Variants in TEX26 observed in about 807,000 individuals in gnomAD.
TEX26 encodes the protein testis-expressed protein 26.
TEX26 carries 34 observed loss-of-function variants against 35.3 expected under a neutral mutation model. The ratio of observed to expected loss-of-function variants is 0.96; its 90% CI spans 0.73 to 1.28. The LOEUF (loss-of-function observed/expected upper bound fraction) is 1.28, where lower values mean the gene tolerates loss of function less well. TEX26 is among the 50% of genes most tolerant of loss of function. The pLI is 0.00. For missense variants in TEX26, 371 were observed against 330.1 expected, an observed-to-expected ratio of 1.12 and a Z score of -0.96; for synonymous variants, 136 against 111.8, an observed-to-expected ratio of 1.22 and a Z score of -1.36.
At position 30,937,058 on chromosome 13, in the gene TEX26, G is replaced by T. The variant is rs954003211; in HGVS notation, c.62-2636G>T. On this transcript the variant is annotated intron_variant, in intron 1 of 6. Transcript: ENST00000380473. ...TGAAATTAAAGGAAGATGTACCAAAGATCAAGTGTGCATCCAAGCAGGTTA... is the reference window on the plus strand; with the variant it reads ...TGAAATTAAAGGAAGATGTACCAAATATCAAGTGTGCATCCAAGCAGGTTA... The T allele has an allele frequency of 4.3e-5, 39 of 916,918 alleles. No individual in the cohort carries two copies. The Admixed American group carries it at 5.6e-4, about 13-fold the overall frequency. 56.8% of individuals were successfully genotyped at this position (916,918 alleles called of 1,614,324 possible).
intron 6 of TEX26, among the ~76,000 whole-genome samples, chr13:30,971,524 C>A (rs555062485): frequency 6.6e-6 from 1 of 151,954 alleles, no homozygotes; most frequent in Non-Finnish European, 1.5e-5. Flanking sequence ...GGGAGAGAGA[C>A]GGTGCGTGTT....
chr13:30,933,478 T>C (rs1426114976), intron 1 of TEX26: 1 of 152,216 alleles, frequency 6.6e-6, no homozygotes, highest in Non-Finnish European at 1.5e-5. Context: ...AGCTCCATCA[T>C]AGTCTCTTGT....
intron 2 of TEX26, among the ~76,000 whole-genome samples, chr13:30,940,844 A>C (rs536696403): frequency 6.6e-6 from 1 of 152,210 alleles, no homozygotes; most frequent in East Asian, 2.0e-4. Flanking sequence ...AGGCAGAGGC[A>C]CGAGAATTGC....
intron 2 of TEX26, 65 bp from the exon 3 acceptor site, chr13:30,952,595 A>G (rs540576930): frequency 1.5e-6 from 2 of 1,312,272 alleles, no homozygotes; most frequent in African/African-American, 1.5e-5. Context: ...ATGATTTGAC[A>G]TGTGTACTTT....
chr13:30,939,778 G>C lies in TEX26; in HGVS notation c.146G>C (p.Arg49Pro), dbSNP rs76662628. 1.2e-6 allele frequency: 2 copies of C among 1,612,520 alleles called. No individual in the cohort carries two copies. Among genetic ancestry groups the C allele is most frequent in the East Asian group, 4.5e-5 (2 of 44,858 alleles). The stretch of plus-strand genomic sequence containing the variant: ...ACAGGAGCAGTGCCTGCCTTAATTC[G>C]GTAGATCATTATTTGTGTTGGATTG... ...PKTGAVPALIRQNGIRRLGYT... is the reference protein window; with the variant it reads ...PKTGAVPALIPQNGIRRLGYT... Residue 49 changes from arginine to proline, a missense_variant and splice_region_variant, in exon 2 of 7, where the codon CGC becomes CCC. By Grantham distance (103) the Arg-to-Pro change is moderately radical. Coordinates refer to ENST00000380473, the MANE Select transcript of TEX26 (RefSeq NM_152325.3).
intron 2 of TEX26, among the ~76,000 whole-genome samples, chr13:30,940,419 C>T (rs530664979): frequency 7.2e-4 from 105 of 146,440 alleles, no homozygotes; most frequent in African/African-American, 2.4e-3. Context: ...CTGCAAGCTC[C>T]GCCCCCTGGG....
intron 1 of TEX26, among the ~76,000 whole-genome samples, chr13:30,935,737 G>GTC (rs1953250283): frequency 6.6e-6 from 1 of 152,208 alleles, no homozygotes; most frequent in South Asian, 2.1e-4. Context: ...TTGACCGGAT[G>GTC]ACCTGCCTAC....
chr13:30,951,941 A>G (rs1160096006), intron 2 of TEX26, among the ~76,000 whole-genome samples: 1 of 47,558 alleles, frequency 2.1e-5, no homozygotes, highest in Non-Finnish European at 3.9e-5. Context: ...AGAGAGAAAG[A>G]GAACTTTTTT....
intron 2 of TEX26, among the ~76,000 whole-genome samples, chr13:30,948,432 C>T (rs1420279703): frequency 6.6e-6 from 1 of 152,166 alleles, no homozygotes; most frequent in Non-Finnish European, 1.5e-5. Flanking sequence ...GATTGCCATT[C>T]TAACTGGTGT....
intron 4 of TEX26, 116 bp from the exon 5 acceptor site, chr13:30,966,106 T>TCCC: frequency 9.9e-7 from 1 of 1,014,654 alleles, no homozygotes; most frequent in Non-Finnish European, 1.5e-6. Flanking sequence ...AAATTATTTC[T>TCCC]CCATTGAAGT....
At chr13:30,956,796 C>A in intron 3 of TEX26, 77 bp from the exon 4 acceptor site, 2 of 1,321,638 alleles carry the variant, frequency 1.5e-6, no homozygotes, top group Non-Finnish European at 2.1e-6. Context: ...AGAATATGTG[C>A]ACACAGACAC....
intron 3 of TEX26, 152 bp downstream of exon 3, chr13:30,952,977 A>C: frequency 4.8e-5 from 34 of 710,570 alleles, no homozygotes; most frequent in Non-Finnish European, 6.9e-5. Flanking sequence ...CTACCTTCTC[A>C]CATTTATTTC....
intron 2 of TEX26, among the ~76,000 whole-genome samples, chr13:30,946,796 C>T (rs1333578875): frequency 6.6e-6 from 1 of 151,916 alleles, no homozygotes; most frequent in African/African-American, 2.4e-5. Flanking sequence ...GATTAAACTT[C>T]CTCCCCATCC....
At chr13:30,942,601 A>G (rs1336744134) in intron 2 of TEX26, among the ~76,000 whole-genome samples, 1 of 152,114 alleles carries the variant, frequency 6.6e-6, no homozygotes, top group Non-Finnish European at 1.5e-5. Context: ...GCCAATGTCC[A>G]GAAGAGTTTT....
At chr13:30,949,399 C>T (rs1460595244) in intron 2 of TEX26, among the ~76,000 whole-genome samples, 1 of 151,904 alleles carries the variant, frequency 6.6e-6, no homozygotes, top group Non-Finnish European at 1.5e-5. Context: ...TAAAATCAGT[C>T]CTTGTTGTTC....
intron 5 of TEX26, among the ~76,000 whole-genome samples, chr13:30,967,916 G>A (rs868734036): frequency 3.4e-4 from 52 of 152,272 alleles, no homozygotes; most frequent in African/African-American, 1.2e-3. Flanking sequence ...ATCCTCATCC[G>A]AAGATGCCTA....
chr13:30,940,992 G>A (rs544614474), intron 2 of TEX26, among the ~76,000 whole-genome samples: 1 of 152,270 alleles, frequency 6.6e-6, no homozygotes, highest in South Asian at 2.1e-4. Flanking sequence ...ATATTGAAAA[G>A]TGGAGTATTG....
At chr13:30,969,933 T>C (rs1954660110) in intron 6 of TEX26, among the ~76,000 whole-genome samples, 1 of 152,140 alleles carries the variant, frequency 6.6e-6, no homozygotes, top group Non-Finnish European at 1.5e-5. Context: ...TGGGGGCTAC[T>C]AACTTATTGT....
In TEX26 at chr13:30,944,310, G is replaced by C. The variant is rs144426664; in HGVS notation, c.146+4532G>C. ...TGTGGTGTCAGTTGAAATGTCTCTA[G>C]TTCCATTTCAAATTGAGTTTATTTG... On this transcript the variant is annotated intron_variant, in intron 2 of 6. Transcript: ENST00000380473. Among the ~76,000 whole-genome samples, 166 of 151,814 alleles carry C rather than the reference G, an allele frequency of 1.1e-3. 1 individual carries two copies. Among genetic ancestry groups the C allele is most frequent in the African/African-American group, 3.8e-3 (157 of 41,460 alleles).
Sources: allele counts gnomAD v4.1 joint callset (sites outside exome capture counted in the v4.1 genomes callset), GRCh38; gene constraint gnomAD v4.1.1; transcripts MANE v1.5; gene names NCBI Gene and HGNC (gene_info 2026-07-23, HGNC 2026-07-21).